Variants in ZFHX2 observed in about 807,000 individuals in gnomAD.
The protein encoded by ZFHX2 is zinc finger homeobox 2.
ZFHX2 carries 75 observed loss-of-function variants against 164.8 expected under a neutral mutation model. The ratio of observed to expected loss-of-function variants is 0.46; its 90% CI spans 0.38 to 0.55. The LOEUF (loss-of-function observed/expected upper bound fraction) is 0.55. Among genes scored for constraint, ZFHX2 ranks in the 20% least tolerant of loss-of-function variants. ZFHX2 has a pLI of 0.00. For missense variants in ZFHX2, 2,933 were observed against 3,308.0 expected (o/e 0.89, Z 2.78); for synonymous variants, 1,217 against 1,351.4 (o/e 0.90, Z 2.18).
upstream of ZFHX2, among the ~76,000 whole-genome samples, chr14:23,555,014 G>A (rs769994334): frequency 6.6e-6 from 1 of 152,130 alleles, no homozygotes; most frequent in Non-Finnish European, 1.5e-5. Context: ...GACAGATGGA[G>A]TCTCGTTCTG....
At position 23,524,988 on chromosome 14, in the gene ZFHX2, T is replaced by A; in HGVS notation, c.4954A>T (p.Lys1652Ter). 6.5e-7 allele frequency: 1 copy of A among 1,536,230 alleles called. No homozygotes were observed. The highest frequency in any genetic ancestry group is 2.4e-5 in the East Asian group (1 of 40,900). The part of the protein sequence containing the change: ...WFQNARQKAR[K>*]NACEGGSMPT... ...ATGGACCCACCCTCACAGGCATTTT[T>A]GCGTGCTTTCTGGCGGGCATTCTGG... Residue 1652 changes from lysine to a stop codon, truncating the protein, a stop_gained, in exon 9 of 10, where the codon AAA (lysine) becomes TAA (stop). Transcript: ENST00000419474. LOFTEE classifies it high-confidence loss of function. The surrounding 1 kb of genome is among the most constrained non-coding windows in gnomAD (Gnocchi z 5.6).
At position 23,532,982 on chromosome 14, in the gene ZFHX2, G is replaced by T; in HGVS notation, c.2144C>A (p.Ser715Tyr). ...PTSPPPDDSLSLKVFRCLVCQ... is the reference protein window; with the variant it reads ...PTSPPPDDSLYLKVFRCLVCQ... ...CACTAGGCAGCGGAACACCTTCAGG[G>T]ACAGGCTGTCGTCTGGGGGTGGTGA... The change falls in exon 3 of 10, where the codon TCC becomes TAC. Residue 715 changes from serine to tyrosine, a missense_variant. Physicochemically the swap from Ser to Tyr is moderately radical, Grantham distance 144. Coordinates refer to ENST00000419474, the MANE Select transcript of ZFHX2 (RefSeq NM_033400.3). 6.5e-7 allele frequency: 1 copy of T among 1,536,182 alleles called. No individual in the cohort carries two copies. The highest frequency in any genetic ancestry group is 8.7e-7 in the Non-Finnish European group (1 of 1,146,912).
chr14:23,554,568 T>G (rs983801304), upstream of ZFHX2, among the ~76,000 whole-genome samples: 1 of 140,028 alleles, frequency 7.1e-6, no homozygotes, highest in Non-Finnish European at 1.5e-5. Context: ...TTTTTTTTTT[T>G]GTAGAAACAG....
At chr14:23,555,856 C>G (rs888179462), upstream of ZFHX2, 1 of 152,288 alleles carries the variant, frequency 6.6e-6, no homozygotes, top group African/African-American at 2.4e-5. Flanking sequence ...TCCTTGCACC[C>G]GACTCTCCCC....
At chr14:23,529,600 G>A (rs1311505108) in intron 6 of ZFHX2, 110 bp downstream of exon 6, 27 of 1,108,500 alleles carry the variant, frequency 2.4e-5, no homozygotes, top group Non-Finnish European at 3.6e-5. Context: ...GTGCTATTCT[G>A]AGTGAAATAA....
At chr14:23,544,791 C>G (rs1881209545) in intron 1 of ZFHX2, among the ~76,000 whole-genome samples, 1 of 152,234 alleles carries the variant, frequency 6.6e-6, no homozygotes, top group South Asian at 2.1e-4. Context: ...CTGGCCCTGC[C>G]AGCTGCAGCT....
Position 23,534,903 on chromosome 14 carries a change from G to T in ZFHX2, c.423C>A (p.Gly141=). The change falls in exon 2 of 10, where the codon GGC becomes GGA. Residue 141 remains glycine (G), a synonymous_variant. Coordinates refer to ENST00000419474, the MANE Select transcript of ZFHX2 (RefSeq NM_033400.3). This position sits in a 1 kb window ranked among gnomAD's most constrained non-coding sequence, Gnocchi z 4.5. ...PGGSELLLPK[G]FPWGEAGIKE... The stretch of plus-strand genomic sequence containing the variant: ...TGATGCCCGCCTCACCCCAGGGGAA[G>T]CCCTTTGGTAACAGGAGTTCACTGC... 1 of 1,536,170 alleles carries T rather than the reference G, an allele frequency of 6.5e-7. No individual in the cohort carries two copies. The highest frequency in any genetic ancestry group is 8.7e-7 in the Non-Finnish European group (1 of 1,146,902).
rs1161784629 is a variant in ZFHX2 at position 23,529,710 on chromosome 14, C to A, written c.2934G>T (p.Thr978=). 6.5e-7 allele frequency: 1 copy of A among 1,536,102 alleles called. No homozygotes were observed. Among genetic ancestry groups the A allele is most frequent in the Non-Finnish European group, 8.7e-7 (1 of 1,146,868 alleles). The change falls in exon 6 of 10, where the codon ACG becomes ACT. Residue 978 remains threonine (T), a splice_region_variant and synonymous_variant. Coordinates refer to ENST00000419474, the MANE Select transcript of ZFHX2 (RefSeq NM_033400.3). ...TCTTCCCAGTTACCCCAATTCTGAC[C>A]GTGGTCTGGTTGGCACTGTCTCTGG... ...GPSRDSANQT[T]VYCCPYCSFL...
chr14:23,524,821 T>C lies in ZFHX2; in HGVS notation c.5121A>G (p.Arg1707=), dbSNP rs1446566119. 1.3e-6 allele frequency: 2 copies of C among 1,536,956 alleles called. No homozygotes were observed. The highest frequency in any genetic ancestry group is 2.0e-5 in the Admixed American group (1 of 51,032). Residue 1707 remains arginine (R), a synonymous_variant, in exon 9 of 10, where the codon AGA becomes AGG. Transcript: ENST00000419474. The surrounding 1 kb of genome is among the most constrained non-coding windows in gnomAD (Gnocchi z 5.6). ...CTTCCACCTCTTCCTCCTCTTCCCC[T>C]CTCTCTGCCTCTTCCTCCTCCTCTT... ...TLEEEEEEAE[R]GEEEEEVEEE...
At position 23,534,428 on chromosome 14, in the gene ZFHX2, G is replaced by T. The variant is rs937019790; in HGVS notation, c.898C>A (p.Pro300Thr). 3.3e-6 allele frequency: 5 copies of T among 1,536,704 alleles called. No homozygotes were observed. In the Admixed American group the frequency reaches 7.8e-5, roughly 24 times the overall value. ...SFLEPKLPAR[P>T]SSDIPLDNSS... ...TTGTCAAGGGGTATGTCAGAAGAGG[G>T]GCGAGCAGGGAGTTTTGGCTCCAGA... Residue 300 changes from proline (P) to threonine (T), a missense_variant, in exon 2 of 10, where the codon CCC becomes ACC. Transcript: ENST00000419474. This position sits in a 1 kb window ranked among gnomAD's most constrained non-coding sequence, Gnocchi z 4.5.
rs757438843 is a variant in ZFHX2 at position 23,524,321 on chromosome 14, C to G, written c.5621G>C (p.Arg1874Pro). 6.5e-7 allele frequency: 1 copy of G among 1,536,218 alleles called. No individual in the cohort carries two copies. Among genetic ancestry groups the G allele is most frequent in the Non-Finnish European group, 8.7e-7 (1 of 1,146,956 alleles). Residue 1874 changes from arginine (R) to proline (P), a missense_variant, in exon 9 of 10, where the codon CGT (arginine) becomes CCT (proline). By Grantham distance (103) the Arg-to-Pro change is moderately radical. Transcript: ENST00000419474. This position sits in a 1 kb window ranked among gnomAD's most constrained non-coding sequence, Gnocchi z 5.6. Reference sequence around the variant, plus strand: ...TGGGTTGGAATCCTGCATGTACCAACGGTACAGGATCTCTAGCTGCTCAGG... The same window carrying G: ...TGGGTTGGAATCCTGCATGTACCAAGGGTACAGGATCTCTAGCTGCTCAGG... ...ILPEQLEILYRWYMQDSNPTR... is the reference protein window; with the variant it reads ...ILPEQLEILYPWYMQDSNPTR...
intron 1 of ZFHX2, among the ~76,000 whole-genome samples, chr14:23,548,186 T>A (rs1054102155): frequency 6.6e-6 from 1 of 152,184 alleles, no homozygotes; most frequent in African/African-American, 2.4e-5. Context: ...CCATTTCTAG[T>A]CCTCCTCTTC....
In ZFHX2 at chr14:23,535,198, G is replaced by A; in HGVS notation, c.128C>T (p.Ala43Val). Reference sequence around the variant, plus strand: ...CATGTTCTCAGAGGTGGAGGAGGCAGCAGGGGGATCTTTGGTGACAGGATC... The same window carrying A: ...CATGTTCTCAGAGGTGGAGGAGGCAACAGGGGGATCTTTGGTGACAGGATC... ...PSDPVTKDPP[A>V]ASSTSENMRS... The change falls in exon 2 of 10, where the codon GCT (alanine) becomes GTT (valine). Residue 43 changes from alanine to valine, a missense_variant. Transcript: ENST00000419474. The surrounding 1 kb of genome is among the most constrained non-coding windows in gnomAD (Gnocchi z 4.5). 1 of 1,530,148 alleles carries A rather than the reference G, an allele frequency of 6.5e-7. No homozygotes were observed. 94.8% of individuals were successfully genotyped at this position (1,530,148 alleles called of 1,614,324 possible).
In ZFHX2 at chr14:23,526,524, C is replaced by T. The variant is rs759052563; in HGVS notation, c.3418G>A (p.Val1140Ile). The T allele has an allele frequency of 2.7e-5, 42 of 1,535,800 alleles. No homozygotes were observed. The highest frequency in any genetic ancestry group is 7.8e-5 in the Admixed American group (4 of 50,958). ...VPEPDAQAEDVAPPPTMAEEE... is the reference protein window; with the variant it reads ...VPEPDAQAEDIAPPPTMAEEE... ...TCAGCCATGGTGGGCGGAGGAGCTA[C>T]GTCTTCAGCTTGGGCATCAGGTTCA... The change falls in exon 9 of 10, where the codon GTA becomes ATA. Residue 1140 changes from valine to isoleucine, a missense_variant. Val to Ile is a conservative substitution (Grantham distance 29, BLOSUM62 3). Coordinates refer to ENST00000419474, the MANE Select transcript of ZFHX2 (RefSeq NM_033400.3).
chr14:23,528,288 C>G (rs1222834941), intron 6 of ZFHX2, among the ~76,000 whole-genome samples: 3 of 152,222 alleles, frequency 2.0e-5, no homozygotes, highest in African/African-American at 7.2e-5. Context: ...GTCCTGAGAG[C>G]TGGCTCCTCC....
At position 23,524,852 on chromosome 14, in the gene ZFHX2, G is replaced by T. The variant is rs1470457697; in HGVS notation, c.5090C>A (p.Thr1697Asn). ...RHLKKCYDDQTLEEEEEEAER... is the reference protein window; with the variant it reads ...RHLKKCYDDQNLEEEEEEAER... ...TGCCTCTTCCTCCTCCTCTTCAAGG[G>T]TCTGGTCATCATAGCACTTCTTGAG... Residue 1697 changes from threonine (T) to asparagine (N), a missense_variant, in exon 9 of 10, where the codon ACC (threonine) becomes AAC (asparagine). Thr to Asn is a moderately conservative substitution (Grantham distance 65). Coordinates refer to ENST00000419474, the MANE Select transcript of ZFHX2 (RefSeq NM_033400.3). The surrounding 1 kb of genome is among the most constrained non-coding windows in gnomAD (Gnocchi z 5.6). The T allele has an allele frequency of 1.3e-6, 2 of 1,536,632 alleles. No individual in the cohort carries two copies. The highest frequency in any genetic ancestry group is 2.4e-5 in the South Asian group (2 of 84,040).
In ZFHX2 at chr14:23,521,267, G is replaced by C. The variant is rs935903407; in HGVS notation, c.*695C>G. On this transcript the variant is annotated 3_prime_UTR_variant, in exon 10 of 10. Coordinates refer to ENST00000419474, the MANE Select transcript of ZFHX2 (RefSeq NM_033400.3). The stretch of plus-strand genomic sequence containing the variant: ...GGCAAGGAGAGGGTTAGGAGGGAGA[G>C]GGTAGGAAGAGTGAACCAGAAGCAC... The C allele has an allele frequency of 6.6e-6, 1 of 152,460 alleles. No homozygotes were observed. The highest frequency in any genetic ancestry group is 1.5e-5 in the Non-Finnish European group (1 of 68,262). 9.4% of individuals were successfully genotyped at this position (152,460 alleles called of 1,614,324 possible).
At position 23,533,078 on chromosome 14, in the gene ZFHX2, C is replaced by T. The variant is rs181420456; in HGVS notation, c.2048G>A (p.Gly683Glu). Residue 683 changes from glycine to glutamate, a missense_variant, in exon 3 of 10, where the codon GGA becomes GAA. Gly to Glu is a moderately conservative substitution (Grantham distance 98, BLOSUM62 -2). Coordinates refer to ENST00000419474, the MANE Select transcript of ZFHX2 (RefSeq NM_033400.3). The surrounding 1 kb of genome is among the most constrained non-coding windows in gnomAD (Gnocchi z 4.8). ...PARKFPTSAPGSLSPDAHLPP... is the reference protein window; with the variant it reads ...PARKFPTSAPESLSPDAHLPP... Reference sequence around the variant, plus strand: ...CAGGTGGGCATCAGGGGATAGGCTTCCAGGGGCTAGAGGACAGAGACAGAT... The same window carrying T: ...CAGGTGGGCATCAGGGGATAGGCTTTCAGGGGCTAGAGGACAGAGACAGAT... 27 of 1,526,702 alleles carry T rather than the reference C, an allele frequency of 1.8e-5. No homozygotes were observed. In the African/African-American group the frequency reaches 3.4e-4, roughly 19 times the overall value. The allele number at this position is 1,526,702 out of a possible 1,614,324, so 94.6% of individuals were successfully genotyped here.
intron 1 of ZFHX2, among the ~76,000 whole-genome samples, chr14:23,548,688 T>G (rs1422184283): frequency 1.3e-5 from 2 of 152,068 alleles, no homozygotes; most frequent in Non-Finnish European, 2.9e-5. Context: ...GGGTAGTGAG[T>G]GATTAGGCCA....
Sources: allele counts gnomAD v4.1 joint callset (sites outside exome capture counted in the v4.1 genomes callset), GRCh38; gene constraint gnomAD v4.1.1; non-coding constraint Gnocchi (gnomAD v3.1); transcripts MANE v1.5; gene names NCBI Gene and HGNC (gene_info 2026-07-23, HGNC 2026-07-21).